Variants in CCBE1 observed in about 807,000 individuals in gnomAD.
CCBE1 encodes collagen and calcium-binding EGF domain-containing protein 1.
A neutral mutation model predicts 50.0 loss-of-function variants in CCBE1; 37 were observed. The ratio of observed to expected loss-of-function variants is 0.74; its 90% CI spans 0.57 to 0.97. The LOEUF (loss-of-function observed/expected upper bound fraction) is 0.97, where lower values mean the gene tolerates loss of function less well. Among genes scored for constraint, CCBE1 ranks in the 50% least tolerant of loss-of-function variants. CCBE1 has a pLI of 0.00. For missense variants in CCBE1, 538 were observed against 523.8 expected (o/e 1.03, Z -0.26); for synonymous variants, 234 against 203.7 (o/e 1.15, Z -1.27).
At chr18:59,479,174 C>T (rs1394730514) in intron 3 of CCBE1, among the ~76,000 whole-genome samples, 5 of 152,214 alleles carry the variant, frequency 3.3e-5, no homozygotes, top group African/African-American at 7.2e-5. Context: ...ACATTCCCCA[C>T]CCACCTCACC....
At chr18:59,527,025 C>CA (rs1490661901) in intron 2 of CCBE1, among the ~76,000 whole-genome samples, 2 of 152,152 alleles carry the variant, frequency 1.3e-5, no homozygotes, top group Non-Finnish European at 2.9e-5. Flanking sequence ...CTAATAGGCT[C>CA]ACTTGATCCA....
In CCBE1 at chr18:59,644,729, C is replaced by T. The variant is rs375475182; in HGVS notation, c.212+51900G>A. Among the ~76,000 whole-genome samples, 47 of 152,098 alleles carry T rather than the reference C, an allele frequency of 3.1e-4. 1 individual carries two copies. Among genetic ancestry groups the T allele is most frequent in the Admixed American group, 1.5e-3 (23 of 15,280 alleles). ...ATACCTCCTATTTCTCCCCCCACAC[C>T]GTCACTAACTCCCAGCTTTTGGGGG... On this transcript the variant is annotated intron_variant, in intron 2 of 10. Coordinates refer to ENST00000439986, the MANE Select transcript of CCBE1 (RefSeq NM_133459.4).
rs184442031 is a variant in CCBE1, at chr18:59,555,606, G to T, written c.213-75368C>A. Among the ~76,000 whole-genome samples the T allele has an allele frequency of 1.4e-3, 220 of 152,350 alleles. 3 individuals carry two copies. The highest frequency in any genetic ancestry group is 5.2e-3 in the African/African-American group (218 of 41,576). On this transcript the variant is annotated intron_variant, in intron 2 of 10. Transcript: ENST00000439986. ...TCTTCAGTGCTGCTCAGAACGTGCAGAAGTTTAAAATAAATGCTGCCATAT... is the reference window on the plus strand; with the variant it reads ...TCTTCAGTGCTGCTCAGAACGTGCATAAGTTTAAAATAAATGCTGCCATAT...
At chr18:59,609,711 T>C (rs2053545290) in intron 2 of CCBE1, among the ~76,000 whole-genome samples, 2 of 152,246 alleles carry the variant, frequency 1.3e-5, no homozygotes, top group South Asian at 4.1e-4. Flanking sequence ...TATGTTTATT[T>C]TAGTCTATTT....
At chr18:59,589,478 C>G (rs927712768) in intron 2 of CCBE1, among the ~76,000 whole-genome samples, 1 of 152,066 alleles carries the variant, frequency 6.6e-6, no homozygotes, top group East Asian at 1.9e-4. Context: ...AAGACAATAA[C>G]AGAATACAAT....
At chr18:59,608,687 A>G (rs1017941079) in intron 2 of CCBE1, among the ~76,000 whole-genome samples, 1 of 152,220 alleles carries the variant, frequency 6.6e-6, no homozygotes, top group Non-Finnish European at 1.5e-5. Flanking sequence ...GAAAGTGTTT[A>G]TTGTGGATGA....
In CCBE1 at chr18:59,494,272, C is replaced by A. The variant is rs553596594; in HGVS notation, c.213-14034G>T. ...CCATCCTCATTCACTACCAGCCCTGCCCCTCCAGGGTGGCCCAAATCCACT... is the reference window on the plus strand; with the variant it reads ...CCATCCTCATTCACTACCAGCCCTGACCCTCCAGGGTGGCCCAAATCCACT... On this transcript the variant is annotated intron_variant, in intron 2 of 10. Coordinates refer to ENST00000439986, the MANE Select transcript of CCBE1 (RefSeq NM_133459.4). Among the ~76,000 whole-genome samples, 89 of 152,338 alleles carry A rather than the reference C, an allele frequency of 5.8e-4. 1 individual carries two copies. The highest frequency in any genetic ancestry group is 7.2e-4 in the Admixed American group (11 of 15,304).
rs544491857 is a variant in CCBE1 at position 59,467,754 on chromosome 18, C to T, written c.401-863G>A. Among the ~76,000 whole-genome samples the T allele has an allele frequency of 3.3e-5, 5 of 152,302 alleles. No individual in the cohort carries two copies. In the East Asian group the frequency reaches 5.8e-4, roughly 18 times the overall value. ...AGCCCCAGACTGTGCACATGTGCTG[C>T]GTAGACACAGGCCAGCCCTGAACTT... On this transcript the variant is annotated intron_variant, in intron 4 of 10. Coordinates refer to ENST00000439986, the MANE Select transcript of CCBE1 (RefSeq NM_133459.4).
chr18:59,504,963 C>G (rs1010999246), intron 2 of CCBE1, among the ~76,000 whole-genome samples: 1 of 152,126 alleles, frequency 6.6e-6, no homozygotes, highest in East Asian at 1.9e-4. Flanking sequence ...CCCAAGAGTC[C>G]AAACCTGGGC....
intron 5 of CCBE1, chr18:59,465,690 T>G (rs1911708210): frequency 6.6e-6 from 1 of 152,236 alleles, no homozygotes; most frequent in Admixed American, 6.5e-5. Context: ...CAATTTTTGT[T>G]TTTATCCAAT....
chr18:59,602,246 T>C (rs2053443068), intron 2 of CCBE1, among the ~76,000 whole-genome samples: 1 of 152,150 alleles, frequency 6.6e-6, no homozygotes, highest in Non-Finnish European at 1.5e-5. Context: ...CAGAGGATAC[T>C]GGAGCAGCAA....
At chr18:59,439,394 G>A in intron 9 of CCBE1, 149 bp downstream of exon 9, 1 of 969,108 alleles carries the variant, frequency 1.0e-6, no homozygotes. Context: ...TTGAGCCAGA[G>A]AGGCAGAGGC....
chr18:59,511,300 A>G (rs960495090), intron 2 of CCBE1, among the ~76,000 whole-genome samples: 1 of 152,206 alleles, frequency 6.6e-6, no homozygotes, highest in Non-Finnish European at 1.5e-5. Flanking sequence ...TGATGGCACT[A>G]ATTGATGGCA....
chr18:59,648,529 A>C (rs1205015241), intron 2 of CCBE1, among the ~76,000 whole-genome samples: 2 of 152,154 alleles, frequency 1.3e-5, no homozygotes, highest in Non-Finnish European at 2.9e-5. Context: ...ACATGGAGAA[A>C]ACCCCATCTT....
chr18:59,525,831 CCATTA>C (rs141246599), intron 2 of CCBE1, among the ~76,000 whole-genome samples: 5,836 of 152,240 alleles, frequency 0.038, 552 homozygotes, highest in East Asian at 0.33. Flanking sequence ...TCTCTGAACA[CCATTA>C]ATTAAATAGG....
chr18:59,639,217 C>A (rs2144641671), intron 2 of CCBE1, among the ~76,000 whole-genome samples: 1 of 152,134 alleles, frequency 6.6e-6, no homozygotes, highest in East Asian at 1.9e-4. Context: ...CTGCAGTGGG[C>A]CTTGATCACA....
chr18:59,636,181 C>T (rs546355092), intron 2 of CCBE1, among the ~76,000 whole-genome samples: 2 of 152,008 alleles, frequency 1.3e-5, no homozygotes, highest in Non-Finnish European at 1.5e-5. Flanking sequence ...TAGCTCTGAA[C>T]TCCTTACATA....
intron 2 of CCBE1, among the ~76,000 whole-genome samples, chr18:59,638,224 A>T (rs2053940825): frequency 6.6e-6 from 1 of 152,180 alleles, no homozygotes; most frequent in South Asian, 2.1e-4. Context: ...AAAATAACAC[A>T]CTCTTAGCAA....
In CCBE1 at chr18:59,436,147, T is replaced by C; in HGVS notation, c.988-6A>G. 8 of 1,613,488 alleles carry C rather than the reference T, an allele frequency of 5.0e-6. No homozygotes were observed. The highest frequency in any genetic ancestry group is 5.9e-6 in the Non-Finnish European group (7 of 1,179,494). ...TCGAAAGAACCAGGGGGTCCCTGTG[T>C]ACATGGGAGGAATCAAAGCTAGAAT... is the stretch of plus-strand genomic sequence containing the variant. On this transcript the variant is annotated splice_region_variant and splice_polypyrimidine_tract_variant and intron_variant, in intron 10 of 10. Coordinates refer to ENST00000439986, the MANE Select transcript of CCBE1 (RefSeq NM_133459.4).
Sources: gnomAD v4.1 joint callset for allele counts (sites outside exome capture counted in the v4.1 genomes callset) on GRCh38, gnomAD v4.1.1 for gene constraint, MANE v1.5 for transcripts, NCBI Gene and HGNC (gene_info 2026-07-23, HGNC 2026-07-21) for gene names.